RUNX2: variants seen among roughly 807,000 people sequenced by gnomAD.
RUNX2 encodes the protein RUNX family transcription factor 2.
A neutral mutation model predicts 51.7 loss-of-function variants in RUNX2; 10 were observed. That is an observed-to-expected ratio of 0.19 (90% CI 0.12 to 0.33). The LOEUF is 0.33. Among genes scored for constraint, RUNX2 ranks in the 10% least tolerant of loss-of-function variants. The pLI, the probability that RUNX2 is intolerant of heterozygous loss-of-function variation, is 1.00. For synonymous variants in RUNX2, 276 were observed against 273.6 expected (o/e 1.01, Z -0.09); for missense variants, 562 against 691.3 (o/e 0.81, Z 2.10).
At position 45,328,881 on chromosome 6, in the gene RUNX2, T is replaced by G. The variant is rs12205523; in HGVS notation, c.58+97T>G. On this transcript the variant is annotated intron_variant, in intron 2 of 8. Coordinates refer to ENST00000647337, the MANE Select transcript of RUNX2 (RefSeq NM_001024630.4). Reference sequence around the variant, plus strand: ...ACTGCTAGCTTTTCCAAATAGCATATTAAAGATCCTAATTATGCTATCTTG... The same window carrying G: ...ACTGCTAGCTTTTCCAAATAGCATAGTAAAGATCCTAATTATGCTATCTTG... 4.0e-6 allele frequency: 5 copies of G among 1,238,406 alleles called. No individual in the cohort carries two copies. In the Admixed American group the frequency reaches 8.6e-5, roughly 21 times the overall value. The allele number at this position is 1,238,406 out of a possible 1,614,324, so 76.7% of individuals were successfully genotyped here. A position where few individuals can be genotyped will look rare whatever the true frequency, so the allele number is the denominator to read the frequency against.
intron 5 of RUNX2, among the ~76,000 whole-genome samples, chr6:45,440,986 C>A (rs1023708161): frequency 6.6e-6 from 1 of 152,028 alleles, no homozygotes; most frequent in Non-Finnish European, 1.5e-5. Context: ...GTTTGTCAAC[C>A]CTTGCTTATT....
chr6:45,373,320 T>C (rs747611810), intron 2 of RUNX2, among the ~76,000 whole-genome samples: 1 of 152,098 alleles, frequency 6.6e-6, no homozygotes, highest in Non-Finnish European at 1.5e-5. Flanking sequence ...GAGGGAGAAC[T>C]ACAGTACAAA....
At chr6:45,362,869 T>C (rs1464555795) in intron 2 of RUNX2, among the ~76,000 whole-genome samples, 1 of 152,220 alleles carries the variant, frequency 6.6e-6, no homozygotes, top group East Asian at 1.9e-4. Context: ...CCAAGGTCCA[T>C]CAAATGCACT....
At chr6:45,346,570 T>TC (rs1290241029) in intron 2 of RUNX2, among the ~76,000 whole-genome samples, 2 of 150,854 alleles carry the variant, frequency 1.3e-5, no homozygotes, top group African/African-American at 4.9e-5. Context: ...AACATTTCTT[T>TC]TTTTTTTTTT....
chr6:45,390,902 C>T (rs1312620156), intron 2 of RUNX2, among the ~76,000 whole-genome samples: 1 of 152,180 alleles, frequency 6.6e-6, no homozygotes, highest in East Asian at 1.9e-4. Context: ...AAACATAGTA[C>T]TTCTTTTAAA....
chr6:45,423,615 G>A (rs1374950526), intron 3 of RUNX2, among the ~76,000 whole-genome samples: 1 of 152,252 alleles, frequency 6.6e-6, no homozygotes, highest in African/African-American at 2.4e-5. Flanking sequence ...TGGGCGTGGG[G>A]TGCTGACTGA....
intron 5 of RUNX2, among the ~76,000 whole-genome samples, chr6:45,468,833 C>T (rs564131842): frequency 6.6e-6 from 1 of 152,076 alleles, no homozygotes; most frequent in Non-Finnish European, 1.5e-5. Flanking sequence ...AGCTGCACAC[C>T]CCCAATCATG....
At chr6:45,417,270 A>C (rs577928140) in intron 2 of RUNX2, among the ~76,000 whole-genome samples, 19 of 152,214 alleles carry the variant, frequency 1.2e-4, no homozygotes, top group Non-Finnish European at 2.6e-4. Context: ...TTCAGACTAC[A>C]TGAGAGTTTC....
chr6:45,541,128 A>T (rs1381949766), intron 7 of RUNX2, among the ~76,000 whole-genome samples: 1 of 152,030 alleles, frequency 6.6e-6, no homozygotes, highest in Non-Finnish European at 1.5e-5. Flanking sequence ...CCTTAGACTC[A>T]TTTACGTATT....
At chr6:45,333,281 C>T (rs1184854853) in intron 2 of RUNX2, among the ~76,000 whole-genome samples, 1 of 151,508 alleles carries the variant, frequency 6.6e-6, no homozygotes, top group Non-Finnish European at 1.5e-5. Context: ...AAGGGAGTTT[C>T]CTTACATTTT....
At chr6:45,337,668 A>G (rs1788861660) in intron 2 of RUNX2, among the ~76,000 whole-genome samples, 1 of 151,868 alleles carries the variant, frequency 6.6e-6, no homozygotes, top group Non-Finnish European at 1.5e-5. Flanking sequence ...ACATATCCTC[A>G]GAGCAAAACA....
intron 5 of RUNX2, among the ~76,000 whole-genome samples, chr6:45,464,155 T>C (rs1346213077): frequency 6.6e-6 from 1 of 151,736 alleles, no homozygotes; most frequent in African/African-American, 2.4e-5. Context: ...ATCACGCCCC[T>C]GCATTCCAGC....
chr6:45,362,012 C>T (rs1244960623), intron 2 of RUNX2, among the ~76,000 whole-genome samples: 1 of 152,178 alleles, frequency 6.6e-6, no homozygotes, highest in Admixed American at 6.5e-5. Context: ...GATCAGGCAA[C>T]TGCACTCCAG....
In RUNX2 at chr6:45,548,507, G is replaced by A. The variant is rs1447324039; in HGVS notation, c.*1202G>A. On this transcript the variant is annotated 3_prime_UTR_variant, in exon 9 of 9. Coordinates refer to ENST00000647337, the MANE Select transcript of RUNX2 (RefSeq NM_001024630.4). Reference sequence around the variant, plus strand: ...GCTTTGCCTTCTAAAGCGGTAATTAGGGATTTAAAAAACAACCTTTAGCCC... The same window carrying A: ...GCTTTGCCTTCTAAAGCGGTAATTAAGGATTTAAAAAACAACCTTTAGCCC... The A allele has an allele frequency of 6.6e-6, 1 of 152,622 alleles. No homozygotes were observed. The highest frequency in any genetic ancestry group is 1.9e-4 in the East Asian group (1 of 5,200). The allele number at this position is 152,622 out of a possible 1,614,324, so 9.5% of individuals were successfully genotyped here.
At chr6:45,328,572 TC>T (rs1786812517) in intron 1 of RUNX2, 88 bp from the exon 2 acceptor site, 5 of 1,580,742 alleles carry the variant, frequency 3.2e-6, no homozygotes, top group Non-Finnish European at 3.4e-6. Context: ...CTACATAATT[TC>T]TTGACAGAAA....
At chr6:45,360,225 C>CT (rs2150244385) in intron 2 of RUNX2, among the ~76,000 whole-genome samples, 1 of 152,262 alleles carries the variant, frequency 6.6e-6, no homozygotes, top group Admixed American at 6.5e-5. Flanking sequence ...CTTTGTGGCT[C>CT]TATTCTTTCG....
chr6:45,528,954 T>C (rs193187689), intron 7 of RUNX2, among the ~76,000 whole-genome samples: 44 of 152,252 alleles, frequency 2.9e-4, no homozygotes, highest in Admixed American at 2.5e-3. Flanking sequence ...CTAAGCAGAA[T>C]CTCATAACCA....
intron 5 of RUNX2, among the ~76,000 whole-genome samples, chr6:45,472,859 G>T (rs1799846139): frequency 6.6e-6 from 1 of 152,134 alleles, no homozygotes. Flanking sequence ...GGAGGAAAAG[G>T]GTATCTTTCT....
chr6:45,350,424 A>C (rs544118394), intron 2 of RUNX2, among the ~76,000 whole-genome samples: 9 of 152,352 alleles, frequency 5.9e-5, no homozygotes, highest in African/African-American at 2.2e-4. Flanking sequence ...AATTTGTAAT[A>C]CACACCATTT....
Sources: gnomAD v4.1 joint callset for allele counts (sites outside exome capture counted in the v4.1 genomes callset) on GRCh38, gnomAD v4.1.1 for gene constraint, MANE v1.5 for transcripts, NCBI Gene and HGNC (gene_info 2026-07-23, HGNC 2026-07-21) for gene names.